BACH2: variants seen among roughly 807,000 people sequenced by gnomAD.
BACH2 encodes transcription regulator protein BACH2.
Under a neutral mutation model 61.8 loss-of-function variants are expected in BACH2, and 5 were observed. That is an observed-to-expected ratio of 0.08 (90% CI 0.04 to 0.17). BACH2 has a LOEUF of 0.17. Ranked by LOEUF, BACH2 falls within the 10% of genes least tolerant of loss-of-function variation. The probability of loss-of-function intolerance (pLI) is 1.00; values close to 1 mark genes in which losing one functional copy is unlikely to be tolerated. For synonymous variants in BACH2, 446 were observed against 440.1 expected, an observed-to-expected ratio of 1.01 and a Z score of -0.17; for missense variants, 824 against 1,091.1, an observed-to-expected ratio of 0.76 and a Z score of 3.45.
At chr6:90,031,335 T>C (rs1379991746) in intron 5 of BACH2, among the ~76,000 whole-genome samples, 6 of 152,228 alleles carry the variant, frequency 3.9e-5, no homozygotes, top group Non-Finnish European at 8.8e-5. Flanking sequence ...TTCAACATAG[T>C]GTTGGAAGTT....
At chr6:90,123,086 C>A (rs1248614486) in intron 4 of BACH2, among the ~76,000 whole-genome samples, 4 of 152,136 alleles carry the variant, frequency 2.6e-5, no homozygotes, top group Admixed American at 2.6e-4. Flanking sequence ...AAAGGACCTT[C>A]GCAGATGTAA....
At chr6:90,004,990 C>T (rs1352162652) in intron 6 of BACH2, among the ~76,000 whole-genome samples, 4 of 151,852 alleles carry the variant, frequency 2.6e-5, no homozygotes, top group East Asian at 1.9e-4. Context: ...TTTTTAAAAA[C>T]GCAAGATAAT....
At chr6:90,035,013 T>C (rs1424738280) in intron 5 of BACH2, among the ~76,000 whole-genome samples, 1 of 152,178 alleles carries the variant, frequency 6.6e-6, no homozygotes, top group Non-Finnish European at 1.5e-5. Context: ...CAATCACATT[T>C]GGTATGTGAC....
intron 7 of BACH2, among the ~76,000 whole-genome samples, chr6:89,944,797 T>C (rs1307897567): frequency 6.6e-6 from 1 of 152,074 alleles, no homozygotes; most frequent in Non-Finnish European, 1.5e-5. Flanking sequence ...ATCCATACTT[T>C]TGACTGTGCA....
At chr6:89,986,003 C>T (rs996395193) in intron 6 of BACH2, among the ~76,000 whole-genome samples, 8 of 152,180 alleles carry the variant, frequency 5.3e-5, no homozygotes, top group Non-Finnish European at 1.2e-4. Flanking sequence ...TGCTCCCTGG[C>T]CCTGTTATAG....
chr6:90,295,739 C>G (rs1772335261), intron 1 of BACH2, among the ~76,000 whole-genome samples: 1 of 152,102 alleles, frequency 6.6e-6, no homozygotes, highest in Admixed American at 6.5e-5. Flanking sequence ...GTTTCCCTCT[C>G]AGAAGCCTGG....
intron 4 of BACH2, among the ~76,000 whole-genome samples, chr6:90,179,615 T>A (rs976446019): frequency 6.6e-6 from 1 of 152,184 alleles, no homozygotes; most frequent in Non-Finnish European, 1.5e-5. Flanking sequence ...TGTGCCTCCA[T>A]CTTCTCATCA....
At chr6:89,990,975 G>C (rs1431764653) in intron 6 of BACH2, among the ~76,000 whole-genome samples, 1 of 152,164 alleles carries the variant, frequency 6.6e-6, no homozygotes, top group Non-Finnish European at 1.5e-5. Flanking sequence ...CTTCTCCTTA[G>C]GGAAGCCTTC....
intron 4 of BACH2, among the ~76,000 whole-genome samples, chr6:90,129,214 A>G (rs1180194329): frequency 6.6e-6 from 1 of 152,224 alleles, no homozygotes; most frequent in Non-Finnish European, 1.5e-5. Context: ...AACTTAAAGT[A>G]TAATAACAAA....
chr6:90,209,292 G>A (rs143268175), intron 3 of BACH2, among the ~76,000 whole-genome samples: 132 of 152,150 alleles, frequency 8.7e-4, no homozygotes, highest in Admixed American at 2.2e-3. Flanking sequence ...TTTGTAGTAC[G>A]AATACATCCA....
At chr6:90,187,533 A>G (rs1451580767) in intron 4 of BACH2, among the ~76,000 whole-genome samples, 1 of 152,186 alleles carries the variant, frequency 6.6e-6, no homozygotes, top group African/African-American at 2.4e-5. Context: ...CTACTATGTG[A>G]TGGGTCACCA....
chr6:89,991,666 T>C (rs1471968569), intron 6 of BACH2, among the ~76,000 whole-genome samples: 2 of 152,156 alleles, frequency 1.3e-5, no homozygotes, highest in African/African-American at 2.4e-5. Flanking sequence ...AATTAATATA[T>C]AGTCTACATT....
intron 5 of BACH2, among the ~76,000 whole-genome samples, chr6:90,086,717 GT>G (rs944464404): frequency 6.6e-6 from 1 of 152,182 alleles, no homozygotes; most frequent in African/African-American, 2.4e-5. Context: ...GACAGCAAAG[GT>G]CATCCCACAG....
intron 6 of BACH2, among the ~76,000 whole-genome samples, chr6:89,999,098 C>T (rs1328971607): frequency 1.3e-5 from 2 of 152,214 alleles, no homozygotes; most frequent in Non-Finnish European, 2.9e-5. Flanking sequence ...TTGTAACTCA[C>T]TTAAAAAACA....
chr6:90,177,742 G>A (rs935269715), intron 4 of BACH2, among the ~76,000 whole-genome samples: 5 of 152,104 alleles, frequency 3.3e-5, no homozygotes, highest in Admixed American at 1.3e-4. Context: ...CTGGGCTGTC[G>A]CAGGCTTTCT....
At chr6:90,043,010 C>G (rs536888528) in intron 5 of BACH2, among the ~76,000 whole-genome samples, 1 of 152,000 alleles carries the variant, frequency 6.6e-6, no homozygotes, top group Non-Finnish European at 1.5e-5. Flanking sequence ...ATAGGATTTG[C>G]TAATGGACTG....
intron 3 of BACH2, among the ~76,000 whole-genome samples, chr6:90,230,093 G>T (rs551497542): frequency 1.3e-5 from 2 of 152,312 alleles, no homozygotes; most frequent in East Asian, 3.9e-4. Context: ...CCCAGGTGTG[G>T]TTATGTCATA....
At chr6:89,994,644 C>A (rs984076921) in intron 6 of BACH2, among the ~76,000 whole-genome samples, 33 of 152,138 alleles carry the variant, frequency 2.2e-4, no homozygotes, top group African/African-American at 7.0e-4. Flanking sequence ...AGAGAGAAAT[C>A]CCATGGGGCA....
intron 3 of BACH2, among the ~76,000 whole-genome samples, chr6:90,214,148 T>C (rs961533431): frequency 6.6e-6 from 1 of 152,208 alleles, no homozygotes. Flanking sequence ...TGTTTGCCAA[T>C]AGTGCACGTC....
Sources: gnomAD v4.1 joint callset for allele counts (sites outside exome capture counted in the v4.1 genomes callset) on GRCh38, gnomAD v4.1.1 for gene constraint, MANE v1.5 for transcripts, NCBI Gene and HGNC (gene_info 2026-07-23, HGNC 2026-07-21) for gene names.